MEI4: variants seen among roughly 807,000 people sequenced by gnomAD.
MEI4 encodes the protein meiosis-specific protein MEI4.
MEI4 carries 27 observed loss-of-function variants against 31.4 expected under a neutral mutation model. That is an observed-to-expected ratio of 0.86 (90% CI 0.63 to 1.19). The LOEUF (loss-of-function observed/expected upper bound fraction) is 1.19. Ranked by LOEUF, MEI4 falls within the 50% of genes most tolerant of loss-of-function variation. The probability of loss-of-function intolerance (pLI) is 0.00; values close to 1 mark genes in which losing one functional copy is unlikely to be tolerated. For synonymous variants in MEI4, 122 were observed against 145.4 expected, an observed-to-expected ratio of 0.84 and a Z score of 1.16; for missense variants, 329 against 398.9, an observed-to-expected ratio of 0.82 and a Z score of 1.49.
rs141959416 is a variant in MEI4 at position 77,692,767 on chromosome 6, C to A, written c.232+1864C>A. Among the ~76,000 whole-genome samples the A allele has an allele frequency of 6.0e-3, 918 of 152,052 alleles. 7 individuals are homozygous for A. The highest frequency in any genetic ancestry group is 0.02 in the African/African-American group (831 of 41,494). On this transcript the variant is annotated intron_variant, in intron 2 of 4. Transcript: ENST00000684080. ...TTCAGATGGTGAACACAGAAATAAGCTAATAGGACAAAAGGTTGAGCCCAA... is the reference window on the plus strand; with the variant it reads ...TTCAGATGGTGAACACAGAAATAAGATAATAGGACAAAAGGTTGAGCCCAA...
intron 4 of MEI4, among the ~76,000 whole-genome samples, chr6:77,897,890 A>G (rs1324032621): frequency 6.6e-6 from 1 of 151,996 alleles, no homozygotes; most frequent in Non-Finnish European, 1.5e-5. Context: ...TGCTCTAACC[A>G]GAGCTTTATA....
chr6:77,735,017 TG>T (rs1299801082), intron 2 of MEI4, among the ~76,000 whole-genome samples: 1 of 152,102 alleles, frequency 6.6e-6, no homozygotes, highest in Non-Finnish European at 1.5e-5. Flanking sequence ...GTTAGTCTGA[TG>T]GGCTTCCCCT....
intron 4 of MEI4, among the ~76,000 whole-genome samples, chr6:77,866,173 A>G (rs1241603505): frequency 6.6e-6 from 1 of 152,006 alleles, no homozygotes; most frequent in African/African-American, 2.4e-5. Context: ...CTGGCACAAG[A>G]CAGGGATGCC....
chr6:77,802,854 TG>T (rs1769308156), intron 3 of MEI4, among the ~76,000 whole-genome samples: 1 of 152,256 alleles, frequency 6.6e-6, no homozygotes, highest in Admixed American at 6.5e-5. Flanking sequence ...GTTAGTCTGA[TG>T]GGCTTCCTTT....
chr6:77,714,360 G>A (rs1189034597), intron 2 of MEI4, among the ~76,000 whole-genome samples: 3 of 151,990 alleles, frequency 2.0e-5, no homozygotes, highest in Non-Finnish European at 4.4e-5. Context: ...TAACATGAAT[G>A]TCTGAAACAA....
At chr6:77,828,796 G>A in intron 3 of MEI4, 135 bp from the exon 4 acceptor site, 2 of 563,750 alleles carry the variant, frequency 3.5e-6, no homozygotes, top group South Asian at 9.8e-5. Flanking sequence ...TTTTATGGTT[G>A]TTCTTGAGAC....
In MEI4 at chr6:77,845,537, G is replaced by T. The variant is rs9448231; in HGVS notation, c.900+16475G>T. Among the ~76,000 whole-genome samples the T allele has an allele frequency of 6.6e-3, 1,009 of 152,108 alleles. 13 individuals are homozygous for T. The highest frequency in any genetic ancestry group is 0.023 in the African/African-American group (953 of 41,514). On this transcript the variant is annotated intron_variant, in intron 4 of 4. Transcript: ENST00000684080. ...GTGTATTAATCCATGGAGTGAGGTG[G>T]GACACTAAGTGGGAAAACATTCAGC...
chr6:77,651,503 A>C (rs73475153), upstream of MEI4, among the ~76,000 whole-genome samples: 8,405 of 152,282 alleles, frequency 0.055, 764 homozygotes, highest in African/African-American at 0.19. Flanking sequence ...GTTCAATAGC[A>C]ACATTTTTGT....
intron 2 of MEI4, among the ~76,000 whole-genome samples, chr6:77,729,333 A>T (rs539978286): frequency 1.3e-5 from 2 of 152,346 alleles, no homozygotes; most frequent in East Asian, 3.9e-4. Flanking sequence ...TCAAAATCGA[A>T]AAAGTTGCAA....
chr6:77,773,410 G>A (rs576517896), intron 3 of MEI4, among the ~76,000 whole-genome samples: 2 of 152,026 alleles, frequency 1.3e-5, no homozygotes, highest in Admixed American at 1.3e-4. Flanking sequence ...TTTTGACAAA[G>A]GTGGCAAGAA....
chr6:77,872,720 TCCCTCCC>T (rs1771225919), intron 4 of MEI4, among the ~76,000 whole-genome samples: 3 of 109,902 alleles, frequency 2.7e-5, no homozygotes, highest in Non-Finnish European at 5.6e-5. Flanking sequence ...CCTAATGCTA[TCCCTCCC>T]CCCTCCCCCC....
chr6:77,743,105 C>T (rs112742082), intron 2 of MEI4, among the ~76,000 whole-genome samples: 164 of 152,242 alleles, frequency 1.1e-3, no homozygotes, highest in African/African-American at 2.6e-3. Flanking sequence ...GCGATGCGGG[C>T]TCTTTTTTGG....
intron 4 of MEI4, among the ~76,000 whole-genome samples, chr6:77,919,912 A>G (rs1766663016): frequency 6.7e-6 from 1 of 149,420 alleles, no homozygotes; most frequent in Admixed American, 6.8e-5. Flanking sequence ...AAATGGATAA[A>G]TTCCTCGACA....
At chr6:77,858,517 A>G (rs552268592) in intron 4 of MEI4, among the ~76,000 whole-genome samples, 1 of 152,072 alleles carries the variant, frequency 6.6e-6, no homozygotes, top group Non-Finnish European at 1.5e-5. Flanking sequence ...TTTTTCATTT[A>G]ATTATAATTC....
intron 1 of MEI4, among the ~76,000 whole-genome samples, chr6:77,688,869 C>G (rs1162181419): frequency 6.6e-6 from 1 of 151,942 alleles, no homozygotes; most frequent in African/African-American, 2.4e-5. Flanking sequence ...TGTCAGAGTC[C>G]ACTGCTCCTA....
At chr6:77,736,755 G>A (rs934846066) in intron 2 of MEI4, among the ~76,000 whole-genome samples, 1 of 152,022 alleles carries the variant, frequency 6.6e-6, no homozygotes, top group Non-Finnish European at 1.5e-5. Context: ...TCTAGTGAGG[G>A]TAAGATTACA....
chr6:77,877,543 A>G (rs186141464), intron 4 of MEI4, among the ~76,000 whole-genome samples: 2 of 152,214 alleles, frequency 1.3e-5, no homozygotes, highest in Admixed American at 6.6e-5. Flanking sequence ...TCACATACGT[A>G]TCTATGTAGA....
rs148035710 is a variant in MEI4 at position 77,797,816 on chromosome 6, G to C, written c.769-31115G>C. ...CCACGTTGAGGGTGGGTCTTCATCT[G>C]CCAGTCCACTGACTCAAATGTTAAT... On this transcript the variant is annotated intron_variant, in intron 3 of 4. Transcript: ENST00000684080. Among the ~76,000 whole-genome samples, 212 of 152,204 alleles carry C rather than the reference G, an allele frequency of 1.4e-3. 1 individual carries two copies. The highest frequency in any genetic ancestry group is 4.5e-3 in the African/African-American group (186 of 41,540).
chr6:77,689,972 TA>T (rs1394448342), intron 1 of MEI4, among the ~76,000 whole-genome samples: 1 of 152,014 alleles, frequency 6.6e-6, no homozygotes, highest in African/African-American at 2.4e-5. Context: ...GTGGCCTCCA[TA>T]AGTATGTTTA....
Sources: gnomAD v4.1 joint callset for allele counts (sites outside exome capture counted in the v4.1 genomes callset) on GRCh38, gnomAD v4.1.1 for gene constraint, MANE v1.5 for transcripts, NCBI Gene and HGNC (gene_info 2026-07-23, HGNC 2026-07-21) for gene names.